The following KCNB2 variants were observed in gnomAD, a reference collection of about 807,000 sequenced individuals.
KCNB2 encodes potassium voltage-gated channel subfamily B member 2, also known as delayed rectifier potassium channel protein.
In KCNB2, 15 loss-of-function variants were observed where a neutral mutation model predicts 61.5. The ratio of observed to expected loss-of-function variants is 0.24; its 90% CI spans 0.16 to 0.38. KCNB2 has a LOEUF of 0.38. Ranked by LOEUF, KCNB2 falls within the 10% of genes least tolerant of loss-of-function variation. KCNB2 has a pLI of 1.00. For synonymous variants in KCNB2, 457 were observed against 446.0 expected (o/e 1.02, Z -0.31); for missense variants, 828 against 1,125.2 (o/e 0.74, Z 3.78).
At chr8:72,776,696 T>G (rs1808659686) in intron 2 of KCNB2, among the ~76,000 whole-genome samples, 1 of 151,904 alleles carries the variant, frequency 6.6e-6, no homozygotes, top group African/African-American at 2.4e-5. Flanking sequence ...AAGAAAAGGG[T>G]GTAGGGTGAC....
At chr8:72,785,216 G>T (rs531085361) in intron 2 of KCNB2, among the ~76,000 whole-genome samples, 1 of 152,158 alleles carries the variant, frequency 6.6e-6, no homozygotes, top group South Asian at 2.1e-4. Flanking sequence ...CCAAACATTG[G>T]ATCAAAGCTG....
chr8:72,718,786 G>A (rs574910589), intron 2 of KCNB2, among the ~76,000 whole-genome samples: 9 of 152,114 alleles, frequency 5.9e-5, no homozygotes, highest in East Asian at 5.8e-4. Context: ...TACGTTGTGC[G>A]CATGTACCCT....
intron 2 of KCNB2, among the ~76,000 whole-genome samples, chr8:72,792,057 A>C (rs181271440): frequency 6.6e-6 from 1 of 152,178 alleles, no homozygotes; most frequent in Non-Finnish European, 1.5e-5. Context: ...TAGCAATCCA[A>C]TGAGGAAGGA....
At chr8:72,639,189 C>T (rs1404746255) in intron 2 of KCNB2, among the ~76,000 whole-genome samples, 1 of 152,106 alleles carries the variant, frequency 6.6e-6, no homozygotes, top group African/African-American at 2.4e-5. Flanking sequence ...AACTGATGAA[C>T]ACATCTTCCC....
chr8:72,583,310 A>C (rs1378414341), intron 2 of KCNB2, among the ~76,000 whole-genome samples: 1 of 152,210 alleles, frequency 6.6e-6, no homozygotes, highest in Non-Finnish European at 1.5e-5. Context: ...TTTGTGCATT[A>C]GAAATCTTTA....
chr8:72,730,951 G>A (rs1807729211), intron 2 of KCNB2, among the ~76,000 whole-genome samples: 2 of 152,114 alleles, frequency 1.3e-5, no homozygotes, highest in African/African-American at 4.8e-5. Flanking sequence ...GTGGTGCAGG[G>A]GTTTAGCTTT....
intron 2 of KCNB2, among the ~76,000 whole-genome samples, chr8:72,896,114 G>A (rs2129006252): frequency 6.6e-6 from 1 of 152,148 alleles, no homozygotes; most frequent in East Asian, 1.9e-4. Flanking sequence ...TTTGCTGAAT[G>A]TTCCAGACTA....
chr8:72,542,951 A>G (rs993671129), intron 1 of KCNB2, among the ~76,000 whole-genome samples: 1 of 152,174 alleles, frequency 6.6e-6, no homozygotes, highest in Admixed American at 6.5e-5. Flanking sequence ...ATAAATCACA[A>G]CCAAATATTA....
intron 2 of KCNB2, among the ~76,000 whole-genome samples, chr8:72,666,586 A>C (rs2128987790): frequency 6.6e-6 from 1 of 152,230 alleles, no homozygotes; most frequent in African/African-American, 2.4e-5. Context: ...TGTTTTATTC[A>C]GTAAGTTGTC....
intron 2 of KCNB2, among the ~76,000 whole-genome samples, chr8:72,670,744 G>A (rs1450042128): frequency 6.6e-6 from 1 of 152,180 alleles, no homozygotes; most frequent in Non-Finnish European, 1.5e-5. Context: ...ATATCTCCCA[G>A]GAATTAATCA....
intron 2 of KCNB2, among the ~76,000 whole-genome samples, chr8:72,800,443 A>C (rs1362721689): frequency 6.6e-6 from 1 of 152,126 alleles, no homozygotes; most frequent in Non-Finnish European, 1.5e-5. Flanking sequence ...TTATTAAATA[A>C]ATTTGAATTT....
chr8:72,608,200 A>G (rs866376015), intron 2 of KCNB2, among the ~76,000 whole-genome samples: 8 of 152,146 alleles, frequency 5.3e-5, no homozygotes, highest in Non-Finnish European at 1.0e-4. Context: ...TGCTTTGTGC[A>G]CATCTGTGGC....
chr8:72,657,761 C>G (rs184075675), intron 2 of KCNB2, among the ~76,000 whole-genome samples: 16 of 152,188 alleles, frequency 1.1e-4, no homozygotes, highest in Admixed American at 1.0e-3. Context: ...TTAAATAGTT[C>G]TAACAAGAAC....
chr8:72,768,077 G>A (rs1013465441), intron 2 of KCNB2, among the ~76,000 whole-genome samples: 12 of 152,006 alleles, frequency 7.9e-5, no homozygotes, highest in Non-Finnish European at 1.8e-4. Context: ...TTTTATTATT[G>A]GGTTGTAAGA....
rs183908788 is a variant in KCNB2, at chr8:72,805,693, T to C, written c.580-130242T>C. 7.1e-4 allele frequency among the ~76,000 whole-genome samples: 108 copies of C among 152,342 alleles called. 1 individual carries two copies. Among genetic ancestry groups the C allele is most frequent in the African/African-American group, 2.5e-3 (104 of 41,590 alleles). ...CTAAACTCATTTTCAGTCTGGTTTTTTAAATGGTATAACCAACCAAAATGC... is the reference window on the plus strand; with the variant it reads ...CTAAACTCATTTTCAGTCTGGTTTTCTAAATGGTATAACCAACCAAAATGC... On this transcript the variant is annotated intron_variant, in intron 2 of 2. Transcript: ENST00000523207.
At chr8:72,929,203 T>C (rs1806720725) in intron 2 of KCNB2, among the ~76,000 whole-genome samples, 1 of 152,188 alleles carries the variant, frequency 6.6e-6, no homozygotes, top group African/African-American at 2.4e-5. Flanking sequence ...TTGCTGATCC[T>C]GTGCTTCTTT....
chr8:72,595,246 G>C (rs1247369016), intron 2 of KCNB2, among the ~76,000 whole-genome samples: 2 of 151,620 alleles, frequency 1.3e-5, no homozygotes, highest in Non-Finnish European at 2.9e-5. Flanking sequence ...GCCCTCAAGT[G>C]CATCATGTGT....
At chr8:72,696,781 C>T (rs535352858) in intron 2 of KCNB2, among the ~76,000 whole-genome samples, 3 of 152,240 alleles carry the variant, frequency 2.0e-5, no homozygotes, top group South Asian at 2.1e-4. Flanking sequence ...AAAAGTTTCT[C>T]ATTTAGATAA....
chr8:72,648,639 A>C (rs1806167737), intron 2 of KCNB2, among the ~76,000 whole-genome samples: 1 of 151,886 alleles, frequency 6.6e-6, no homozygotes, highest in Admixed American at 6.6e-5. Flanking sequence ...ATATTAATGA[A>C]TGAATGTTTG....
Sources: gnomAD v4.1 joint callset for allele counts (sites outside exome capture counted in the v4.1 genomes callset) on GRCh38, gnomAD v4.1.1 for gene constraint, MANE v1.5 for transcripts, NCBI Gene and HGNC (gene_info 2026-07-23, HGNC 2026-07-21) for gene names.